The following UNC13C variants were observed in gnomAD, a reference collection of about 807,000 sequenced individuals.
UNC13C encodes protein unc-13 homolog C.
Under a neutral mutation model 245.4 loss-of-function variants are expected in UNC13C, and 174 were observed. The ratio of observed to expected loss-of-function variants is 0.71; its 90% CI spans 0.63 to 0.80. UNC13C has a LOEUF of 0.80. UNC13C is among the 30% of genes least tolerant of loss of function. The probability of loss-of-function intolerance (pLI) is 0.00; values close to 1 mark genes in which losing one functional copy is unlikely to be tolerated. For synonymous variants in UNC13C, 992 were observed against 895.1 expected, an observed-to-expected ratio of 1.11 and a Z score of -1.93; for missense variants, 2,829 against 2,602.9, an observed-to-expected ratio of 1.09 and a Z score of -1.89.
intron 26 of UNC13C, among the ~76,000 whole-genome samples, chr15:54,539,420 T>C (rs1896141500): frequency 6.6e-6 from 1 of 152,012 alleles, no homozygotes; most frequent in Admixed American, 6.6e-5. Flanking sequence ...GAATTACTTT[T>C]CCTCATTTCT....
chr15:53,913,339 T>A, the UNC13C span: 1 of 152,226 alleles, frequency 6.6e-6, no homozygotes, highest in South Asian at 2.1e-4. Context: ...TTAGGGCCTA[T>A]GGCAGTGCAT....
chr15:54,304,770 C>T (rs2037683576), intron 13 of UNC13C, among the ~76,000 whole-genome samples: 1 of 151,428 alleles, frequency 6.6e-6, no homozygotes, highest in East Asian at 1.9e-4. Flanking sequence ...ACAAAATTTT[C>T]CATTACTTTG....
intron 10 of UNC13C, among the ~76,000 whole-genome samples, chr15:54,266,392 T>A (rs2036550175): frequency 6.6e-6 from 1 of 152,084 alleles, no homozygotes; most frequent in Admixed American, 6.6e-5. Context: ...GAGAGATTAG[T>A]ATCCCTTTAC....
intron 10 of UNC13C, among the ~76,000 whole-genome samples, chr15:54,276,471 A>T (rs2036835106): frequency 2.0e-5 from 3 of 152,094 alleles, no homozygotes; most frequent in Admixed American, 2.0e-4. Flanking sequence ...GATCCTGACC[A>T]CCACCATCCT....
At chr15:54,033,199 G>A (rs547375427) in intron 2 of UNC13C, among the ~76,000 whole-genome samples, 19 of 151,836 alleles carry the variant, frequency 1.3e-4, no homozygotes, top group African/African-American at 3.9e-4. Context: ...GAGACTTATC[G>A]CCTCAGAACC....
the UNC13C span, among the ~76,000 whole-genome samples, chr15:53,959,835 T>G: frequency 6.6e-6 from 1 of 152,228 alleles, no homozygotes. Context: ...TTTATATTTC[T>G]TCATGGACTT....
chr15:54,235,619 G>T (rs1187675240), intron 5 of UNC13C, among the ~76,000 whole-genome samples: 1 of 152,120 alleles, frequency 6.6e-6, no homozygotes, highest in African/African-American at 2.4e-5. Flanking sequence ...TTGGGAGGCC[G>T]AGGCGGGCGG....
intron 4 of UNC13C, among the ~76,000 whole-genome samples, chr15:54,212,003 A>G (rs11071058): frequency 0.19 from 28,396 of 151,988 alleles, 2,941 homozygotes; most frequent in East Asian, 0.24. Flanking sequence ...ATGGGGTCCT[A>G]ATTGTCAGTA....
chr15:54,602,902 CCTT>C (rs1283126667), intron 30 of UNC13C, among the ~76,000 whole-genome samples: 1 of 9,368 alleles, frequency 1.1e-4, no homozygotes, highest in Non-Finnish European at 1.6e-4. Context: ...TTCCACATAT[CCTT>C]CTGTGTTCCT....
In UNC13C at chr15:54,250,463, T is replaced by C. The variant is rs752672595; in HGVS notation, c.3448+19T>C. 3 of 1,582,722 alleles carry C rather than the reference T, an allele frequency of 1.9e-6. No homozygotes were observed. In the South Asian group the frequency reaches 3.5e-5, roughly 18 times the overall value. The stretch of plus-strand genomic sequence containing the variant: ...TTGCAGAGTGAGTACTTGGTTTGGC[T>C]GAAAAAGTGGTATGCAGAGCCTGCC... On this transcript the variant is annotated intron_variant, in intron 8 of 32. Coordinates refer to ENST00000260323, the MANE Select transcript of UNC13C (RefSeq NM_001080534.3).
At chr15:54,263,965 T>C (rs1276611186) in intron 8 of UNC13C, among the ~76,000 whole-genome samples, 1 of 152,094 alleles carries the variant, frequency 6.6e-6, no homozygotes, top group Admixed American at 6.6e-5. Flanking sequence ...GGAGGTCAAT[T>C]TACCTGCCAA....
At chr15:54,400,884 A>T (rs472203) in intron 18 of UNC13C, among the ~76,000 whole-genome samples, 2 of 152,148 alleles carry the variant, frequency 1.3e-5, no homozygotes, top group African/African-American at 4.8e-5. Context: ...ATGTCTCCTA[A>T]TGTTAAGAAA....
intron 17 of UNC13C, among the ~76,000 whole-genome samples, chr15:54,381,873 T>C (rs1224858064): frequency 1.3e-5 from 2 of 152,112 alleles, no homozygotes; most frequent in Non-Finnish European, 1.5e-5. Context: ...ACAGAGACAT[T>C]GGACTTAAAC....
chr15:54,073,720 G>A (rs1299493894), intron 2 of UNC13C, among the ~76,000 whole-genome samples: 1 of 151,990 alleles, frequency 6.6e-6, no homozygotes, highest in African/African-American at 2.4e-5. Context: ...CCTACTTTTT[G>A]ATGGGGTTGT....
intron 4 of UNC13C, among the ~76,000 whole-genome samples, chr15:54,185,586 T>A (rs1251178056): frequency 2.0e-5 from 3 of 150,050 alleles, no homozygotes; most frequent in Non-Finnish European, 4.4e-5. Flanking sequence ...GTTGTAGATA[T>A]GTGGCATTAT....
the UNC13C span, among the ~76,000 whole-genome samples, chr15:53,849,179 A>T: frequency 6.6e-6 from 1 of 151,816 alleles, no homozygotes; most frequent in East Asian, 1.9e-4. Flanking sequence ...CTGCCTTTTG[A>T]TGCATTTTGA....
rs181513212 is a variant in UNC13C, at chr15:54,474,163, G to T, written c.4934-20445G>T. On this transcript the variant is annotated intron_variant, in intron 19 of 32. Coordinates refer to ENST00000260323, the MANE Select transcript of UNC13C (RefSeq NM_001080534.3). ...CTTTTATATATTGATTTGTTGATTT[G>T]CTTTTTTTGGGAGGGGTGGTAAATA... is the stretch of plus-strand genomic sequence containing the variant. 2.7e-3 allele frequency among the ~76,000 whole-genome samples: 415 copies of T among 151,912 alleles called. 3 individuals are homozygous for T. The highest frequency in any genetic ancestry group is 8.9e-3 in the African/African-American group (371 of 41,490).
the UNC13C span, among the ~76,000 whole-genome samples, chr15:53,970,648 G>T: frequency 6.6e-6 from 1 of 152,124 alleles, no homozygotes; most frequent in Admixed American, 6.5e-5. Flanking sequence ...ATGGACACAT[G>T]GGGGGAAACA....
At chr15:54,179,448 A>T (rs549196398) in intron 4 of UNC13C, among the ~76,000 whole-genome samples, 1 of 152,074 alleles carries the variant, frequency 6.6e-6, no homozygotes, top group Non-Finnish European at 1.5e-5. Flanking sequence ...AAATACGTGA[A>T]ACAGGTTGAT....
Sources: gnomAD v4.1 joint callset for allele counts (sites outside exome capture counted in the v4.1 genomes callset) on GRCh38, gnomAD v4.1.1 for gene constraint, MANE v1.5 for transcripts, NCBI Gene and HGNC (gene_info 2026-07-23, HGNC 2026-07-21) for gene names.